The following CHRM5 variants were observed in gnomAD, a reference collection of about 807,000 sequenced individuals.
CHRM5 encodes muscarinic acetylcholine receptor M5.
CHRM5 carries 18 observed loss-of-function variants against 39.0 expected under a neutral mutation model. The observed-to-expected ratio is 0.46, with a 90% CI of 0.32 to 0.68. CHRM5 has a LOEUF of 0.68. Ranked by LOEUF, CHRM5 falls within the 30% of genes least tolerant of loss-of-function variation. CHRM5 has a pLI of 0.04. For missense variants in CHRM5, 515 were observed against 651.1 expected (o/e 0.79, Z 2.28); for synonymous variants, 241 against 246.3 (o/e 0.98, Z 0.20).
intron 1 of CHRM5, among the ~76,000 whole-genome samples, chr15:34,009,685 A>G (rs79909236): frequency 0.013 from 2,033 of 152,284 alleles, 43 homozygotes; most frequent in African/African-American, 0.046. Context: ...AAAAAGGTCA[A>G]TCAAAAAGAT....
intron 1 of CHRM5, among the ~76,000 whole-genome samples, chr15:33,995,093 C>G (rs1896879057): frequency 6.6e-6 from 1 of 152,244 alleles, no homozygotes; most frequent in South Asian, 2.1e-4. Context: ...AAGGTCCTGT[C>G]TCTACAAAAA....
intron 1 of CHRM5, among the ~76,000 whole-genome samples, chr15:33,974,960 G>A (rs1280236147): frequency 1.3e-5 from 2 of 152,080 alleles, no homozygotes; most frequent in African/African-American, 2.4e-5. Context: ...CAACAAGGGC[G>A]AAACTCTATC....
chr15:34,050,389 A>T (rs1567489050), intron 2 of CHRM5, among the ~76,000 whole-genome samples: 2 of 152,232 alleles, frequency 1.3e-5, no homozygotes, highest in Non-Finnish European at 2.9e-5. Flanking sequence ...ACCGGACACT[A>T]CAAAAACACA....
chr15:34,005,544 T>C (rs1371279424), intron 1 of CHRM5, among the ~76,000 whole-genome samples: 1 of 152,240 alleles, frequency 6.6e-6, no homozygotes, highest in African/African-American at 2.4e-5. Context: ...AACCCTTTGT[T>C]ACAGCACATA....
At chr15:33,988,695 A>C (rs554310100) in intron 1 of CHRM5, among the ~76,000 whole-genome samples, 1 of 152,350 alleles carries the variant, frequency 6.6e-6, no homozygotes, top group Admixed American at 6.5e-5. Flanking sequence ...TTAACACACA[A>C]GTAAAACACT....
intron 1 of CHRM5, among the ~76,000 whole-genome samples, chr15:34,045,896 C>T (rs1057485814): frequency 1.6e-4 from 24 of 152,238 alleles, no homozygotes; most frequent in African/African-American, 5.5e-4. Flanking sequence ...AGGTTGGAAA[C>T]CCAGAGGCTT....
chr15:34,027,905 T>C (rs1007101848), intron 1 of CHRM5, among the ~76,000 whole-genome samples: 5 of 151,866 alleles, frequency 3.3e-5, no homozygotes, highest in Admixed American at 6.5e-5. Context: ...TTGTAGAACG[T>C]TGACATTACT....
At chr15:33,979,404 G>A (rs940904947) in intron 1 of CHRM5, among the ~76,000 whole-genome samples, 3 of 152,096 alleles carry the variant, frequency 2.0e-5, no homozygotes, top group African/African-American at 7.2e-5. Context: ...AGCTACTCAG[G>A]AGGCTGAGGT....
intron 1 of CHRM5, among the ~76,000 whole-genome samples, chr15:34,038,543 C>T (rs1043075484): frequency 6.6e-6 from 1 of 151,962 alleles, no homozygotes; most frequent in Admixed American, 6.6e-5. Flanking sequence ...AGCCCTCCTA[C>T]CCCCACTGTC....
At chr15:33,997,300 C>T (rs1028089995) in intron 1 of CHRM5, among the ~76,000 whole-genome samples, 1 of 152,092 alleles carries the variant, frequency 6.6e-6, no homozygotes, top group Non-Finnish European at 1.5e-5. Flanking sequence ...AGTATCAAGA[C>T]TACTTTTTTT....
At chr15:33,991,346 G>C (rs924431740) in intron 1 of CHRM5, 1 of 152,102 alleles carries the variant, frequency 6.6e-6, no homozygotes, top group Non-Finnish European at 1.5e-5. Flanking sequence ...AGCTAAGCAA[G>C]AGCAAGAAGA....
intron 1 of CHRM5, among the ~76,000 whole-genome samples, chr15:34,022,496 C>T (rs2140721959): frequency 6.6e-6 from 1 of 152,284 alleles, no homozygotes; most frequent in Non-Finnish European, 1.5e-5. Flanking sequence ...TTTCTCAAAG[C>T]TCCCCATCCA....
At chr15:33,998,331 A>C (rs770739422) in intron 1 of CHRM5, among the ~76,000 whole-genome samples, 25 of 152,168 alleles carry the variant, frequency 1.6e-4, no homozygotes, top group Admixed American at 3.3e-4. Context: ...ACCTTTAAAA[A>C]AATGTCTTAA....
chr15:34,038,585 C>A (rs111748206), intron 1 of CHRM5, among the ~76,000 whole-genome samples: 14,081 of 149,994 alleles, frequency 0.094, 896 homozygotes, highest in East Asian at 0.32. Context: ...GCCACGAGGG[C>A]CAAGCGCATA....
At chr15:34,004,539 T>C (rs1463348709) in intron 1 of CHRM5, among the ~76,000 whole-genome samples, 1 of 152,160 alleles carries the variant, frequency 6.6e-6, no homozygotes, top group African/African-American at 2.4e-5. Context: ...GATATTTGAT[T>C]ATATTAAGGA....
rs11294882 is a variant in CHRM5, at chr15:34,005,432, A to AT, written c.-408+36290dup. ...TGCTTCCTCATGGTATTATTTACAG[A>AT]TTTTTTTTATCTCCAATATTATCTA... On this transcript the variant is annotated intron_variant, in intron 1 of 2. Coordinates refer to ENST00000383263, the MANE Select transcript of CHRM5 (RefSeq NM_012125.4). 4.0e-4 allele frequency among the ~76,000 whole-genome samples: 61 copies of AT among 152,006 alleles called. No homozygotes were observed. In the East Asian group the frequency reaches 0.011, roughly 27 times the overall value.
chr15:34,049,366 C>A (rs1417986223), intron 2 of CHRM5, among the ~76,000 whole-genome samples: 4 of 152,158 alleles, frequency 2.6e-5, no homozygotes, highest in Non-Finnish European at 4.4e-5. Context: ...ACATAACAGA[C>A]CTAATGGTGC....
At position 34,066,860 on chromosome 15, in the gene CHRM5, A is replaced by G. The variant is rs1371269444; in HGVS notation, c.*2544A>G. On this transcript the variant is annotated 3_prime_UTR_variant, in exon 3 of 3. Coordinates refer to ENST00000383263, the MANE Select transcript of CHRM5 (RefSeq NM_012125.4). ...AGAGGTCAATGCTTCTTTTTTTATC[A>G]TTGGTTTTGGAAAGCAGCCAGTTTT... is the stretch of plus-strand genomic sequence containing the variant. 1 of 151,320 alleles carries G rather than the reference A, an allele frequency of 6.6e-6. No individual in the cohort carries two copies. The highest frequency in any genetic ancestry group is 1.5e-5 in the Non-Finnish European group (1 of 67,948). The allele number at this position is 151,320 out of a possible 1,614,324, so 9.4% of individuals were successfully genotyped here.
At chr15:34,049,454 C>T (rs1439378045) in intron 2 of CHRM5, among the ~76,000 whole-genome samples, 1 of 151,976 alleles carries the variant, frequency 6.6e-6, no homozygotes, top group Admixed American at 6.6e-5. Flanking sequence ...AAAAGAATCG[C>T]AGAGTTTGAA....
Sources: allele counts gnomAD v4.1 joint callset (sites outside exome capture counted in the v4.1 genomes callset), GRCh38; gene constraint gnomAD v4.1.1; transcripts MANE v1.5; gene names NCBI Gene and HGNC (gene_info 2026-07-23, HGNC 2026-07-21).